Variants in PPM1H observed in about 807,000 individuals in gnomAD.
PPM1H encodes protein phosphatase, Mg2+/Mn2+ dependent 1H.
A neutral mutation model predicts 54.9 loss-of-function variants in PPM1H; 27 were observed. The observed-to-expected ratio is 0.49, with a 90% CI of 0.36 to 0.68. PPM1H has a LOEUF of 0.68. Among genes scored for constraint, PPM1H ranks in the 30% least tolerant of loss-of-function variants. The probability of loss-of-function intolerance (pLI) is 0.00; values close to 1 mark genes in which losing one functional copy is unlikely to be tolerated. For synonymous variants in PPM1H, 305 were observed against 270.8 expected (o/e 1.13, Z -1.24); for missense variants, 596 against 667.8 (o/e 0.89, Z 1.19).
chr12:62,794,264 T>G (rs1474109933), intron 3 of PPM1H, among the ~76,000 whole-genome samples: 1 of 152,206 alleles, frequency 6.6e-6, no homozygotes, highest in Non-Finnish European at 1.5e-5. Flanking sequence ...AAGACAGCTA[T>G]GTGGGTTCCC....
At chr12:62,922,755 T>C (rs1871840794) in intron 1 of PPM1H, among the ~76,000 whole-genome samples, 1 of 152,216 alleles carries the variant, frequency 6.6e-6, no homozygotes, top group Non-Finnish European at 1.5e-5. Flanking sequence ...CTGCTTTCCC[T>C]AAGCTGTTAG....
chr12:62,811,981 G>T (rs2120779536), intron 2 of PPM1H, among the ~76,000 whole-genome samples: 2 of 152,248 alleles, frequency 1.3e-5, no homozygotes, highest in South Asian at 4.1e-4. Context: ...GTGAAACTGG[G>T]GTACAGATAG....
chr12:62,890,755 C>T (rs695122), intron 1 of PPM1H, among the ~76,000 whole-genome samples: 15,940 of 115,144 alleles, frequency 0.14, 2,684 homozygotes, highest in African/African-American at 0.41. Flanking sequence ...CACACACACA[C>T]ATATATATAT....
At chr12:62,873,004 G>GA (rs1454115223) in intron 1 of PPM1H, among the ~76,000 whole-genome samples, 8 of 152,072 alleles carry the variant, frequency 5.3e-5, no homozygotes, top group African/African-American at 1.9e-4. Flanking sequence ...AGACTGGCAA[G>GA]AAAAATACTA....
chr12:62,756,252 C>T (rs1427765788), intron 4 of PPM1H: 1 of 725,732 alleles, frequency 1.4e-6, no homozygotes, highest in East Asian at 2.9e-5. Context: ...GACTACCAAC[C>T]CCAGCGAGAG....
chr12:62,686,849 T>C (rs2076055223), intron 8 of PPM1H, among the ~76,000 whole-genome samples: 1 of 151,984 alleles, frequency 6.6e-6, no homozygotes, highest in African/African-American at 2.4e-5. Context: ...CTACATGTAC[T>C]ATGGATGCCA....
intron 9 of PPM1H, among the ~76,000 whole-genome samples, chr12:62,664,592 CA>C (rs1396491796): frequency 1.3e-5 from 2 of 152,126 alleles, no homozygotes; most frequent in Non-Finnish European, 2.9e-5. Flanking sequence ...TATTTTTATG[CA>C]ATATTTTAGT....
Position 62,692,932 on chromosome 12 carries a change from G to GACACACACACACACACACACACACAC in PPM1H, c.1137+978_1137+1003dup, listed in dbSNP as rs71278272. Among the ~76,000 whole-genome samples, 489 of 146,792 alleles carry GACACACACACACACACACACACACAC rather than the reference G, an allele frequency of 3.3e-3. 5 individuals are homozygous for GACACACACACACACACACACACACAC. Among genetic ancestry groups the GACACACACACACACACACACACACAC allele is most frequent in the African/African-American group, 0.012 (467 of 39,050 alleles). On this transcript the variant is annotated intron_variant, in intron 7 of 9. Coordinates refer to ENST00000228705, the MANE Select transcript of PPM1H (RefSeq NM_020700.2). ...ATGTTTGTTCTCTTGCTTTTGCTCT[G>GACACACACACACACACACACACACAC]ACACACACACACACACACACACACA...
intron 5 of PPM1H, among the ~76,000 whole-genome samples, chr12:62,725,213 A>C (rs2076283685): frequency 1.3e-5 from 2 of 152,204 alleles, no homozygotes; most frequent in Non-Finnish European, 2.9e-5. Flanking sequence ...TTTTCTCTGC[A>C]GGATGTTCTT....
chr12:62,676,219 CTA>C (rs1184153008), intron 8 of PPM1H, among the ~76,000 whole-genome samples: 2 of 152,212 alleles, frequency 1.3e-5, no homozygotes, highest in Admixed American at 1.3e-4. Flanking sequence ...CAACCTGAGA[CTA>C]CAATATGGAC....
intron 8 of PPM1H, among the ~76,000 whole-genome samples, chr12:62,676,727 G>C (rs1016962038): frequency 2.0e-5 from 3 of 152,156 alleles, no homozygotes; most frequent in African/African-American, 7.2e-5. Flanking sequence ...GAGCATGGGA[G>C]GGAGGCCGAG....
At chr12:62,835,380 G>A (rs1041535911) in intron 1 of PPM1H, among the ~76,000 whole-genome samples, 1 of 152,208 alleles carries the variant, frequency 6.6e-6, no homozygotes, top group African/African-American at 2.4e-5. Flanking sequence ...AGCTAAATGC[G>A]AACACACTTG....
chr12:62,833,017 C>G (rs1868397628), intron 1 of PPM1H, among the ~76,000 whole-genome samples: 2 of 152,176 alleles, frequency 1.3e-5, no homozygotes, highest in Non-Finnish European at 2.9e-5. Context: ...ATCATTCATG[C>G]ACCTTTTTCT....
chr12:62,823,583 GC>G (rs1868252488), intron 2 of PPM1H, among the ~76,000 whole-genome samples: 1 of 152,156 alleles, frequency 6.6e-6, no homozygotes, highest in African/African-American at 2.4e-5. Context: ...GGGATGCAAG[GC>G]TTGTTCAACA....
chr12:62,826,306 A>G (rs1868290810), intron 2 of PPM1H, among the ~76,000 whole-genome samples: 1 of 152,148 alleles, frequency 6.6e-6, no homozygotes, highest in Admixed American at 6.6e-5. Flanking sequence ...AAAAATAGCC[A>G]GGTATGGTGG....
At chr12:62,806,002 T>A in intron 2 of PPM1H, among the ~76,000 whole-genome samples, 1 of 151,954 alleles carries the variant, frequency 6.6e-6, no homozygotes, top group East Asian at 1.9e-4. Flanking sequence ...CTGGGAGAAA[T>A]AAAACATTAC....
At chr12:62,691,880 C>G (rs1187727032) in intron 7 of PPM1H, among the ~76,000 whole-genome samples, 1 of 151,708 alleles carries the variant, frequency 6.6e-6, no homozygotes, top group African/African-American at 2.4e-5. Context: ...GCTGGACTGG[C>G]TCCCTTCTAG....
intron 4 of PPM1H, 117 bp from the exon 5 acceptor site, chr12:62,737,703 C>T (rs919938982): frequency 3.0e-6 from 2 of 665,250 alleles, no homozygotes; most frequent in Admixed American, 3.3e-5. Flanking sequence ...TGTTTTCCCA[C>T]TTGCATGGCA....
chr12:62,742,916 C>T (rs940941519), intron 4 of PPM1H, among the ~76,000 whole-genome samples: 9 of 152,194 alleles, frequency 5.9e-5, no homozygotes, highest in Non-Finnish European at 1.0e-4. Flanking sequence ...TTAAAGACTA[C>T]AGCTGAAATT....
Sources: gnomAD v4.1 joint callset for allele counts (sites outside exome capture counted in the v4.1 genomes callset) on GRCh38, gnomAD v4.1.1 for gene constraint, MANE v1.5 for transcripts, NCBI Gene and HGNC (gene_info 2026-07-23, HGNC 2026-07-21) for gene names.